The following GPBP1 variants were observed in gnomAD, a reference collection of about 807,000 sequenced individuals.
The protein encoded by GPBP1 is vasculin.
A neutral mutation model predicts 56.5 loss-of-function variants in GPBP1; 13 were observed. The ratio of observed to expected loss-of-function variants is 0.23; its 90% confidence interval spans 0.15 to 0.37. The LOEUF (loss-of-function observed/expected upper bound fraction) is 0.37. GPBP1 is among the 10% of genes least tolerant of loss of function. GPBP1 has a pLI of 1.00. For synonymous variants in GPBP1, 204 were observed against 188.9 expected, an observed-to-expected ratio of 1.08 and a Z score of -0.66; for missense variants, 477 against 572.3, an observed-to-expected ratio of 0.83 and a Z score of 1.70.
intron 3 of GPBP1, among the ~76,000 whole-genome samples, chr5:57,219,402 AACCAAAAACAAAC>A (rs1561348299): frequency 4.1e-5 from 2 of 49,366 alleles, no homozygotes; most frequent in African/African-American, 1.7e-4. Context: ...AAAAAAAAAA[AACCAAAAACAAAC>A]AAACAAAAAA....
At chr5:57,206,811 G>A (rs1054793597) in intron 2 of GPBP1, among the ~76,000 whole-genome samples, 1 of 152,104 alleles carries the variant, frequency 6.6e-6, no homozygotes, top group African/African-American at 2.4e-5. Context: ...AAATGTGTGG[G>A]CTTATTTCTG....
intron 3 of GPBP1, among the ~76,000 whole-genome samples, chr5:57,222,525 TC>T (rs1755996484): frequency 6.6e-6 from 1 of 152,216 alleles, no homozygotes; most frequent in African/African-American, 2.4e-5. Flanking sequence ...AACTGTTTTT[TC>T]CCTTTTTTTC....
chr5:57,235,997 C>G lies in GPBP1; in HGVS notation c.443C>G (p.Pro148Arg). 1.2e-6 allele frequency: 2 copies of G among 1,611,754 alleles called. No homozygotes were observed. Among genetic ancestry groups the G allele is most frequent in the Non-Finnish European group, 1.7e-6 (2 of 1,178,106 alleles). Reference sequence around the variant, plus strand: ...TTAAATCCTGAGTATGAGAGAGAACCAAATCACAATAAGTCTTTAGCTGCA... The same window carrying G: ...TTAAATCCTGAGTATGAGAGAGAACGAAATCACAATAAGTCTTTAGCTGCA... ...PSLNPEYERE[P>R]NHNKSLAAGV... Residue 148 changes from proline (P) to arginine (R), a missense_variant, in exon 6 of 12, where the codon CCA becomes CGA. Pro to Arg is a moderately radical substitution (Grantham distance 103, BLOSUM62 -2). Transcript: ENST00000506184.
intron 2 of GPBP1, among the ~76,000 whole-genome samples, chr5:57,212,058 C>T (rs1006334193): frequency 1.3e-5 from 2 of 151,804 alleles, no homozygotes; most frequent in African/African-American, 4.8e-5. Context: ...TGCGTCAGCC[C>T]CCTGAGAAGC....
intron 6 of GPBP1, among the ~76,000 whole-genome samples, chr5:57,236,583 T>C (rs1332511672): frequency 6.6e-6 from 1 of 152,168 alleles, no homozygotes; most frequent in Non-Finnish European, 1.5e-5. Flanking sequence ...TGAGAGTTCT[T>C]CTAGAAATAA....
At chr5:57,211,780 T>A (rs1375154254) in intron 2 of GPBP1, among the ~76,000 whole-genome samples, 3 of 151,754 alleles carry the variant, frequency 2.0e-5, no homozygotes, top group African/African-American at 7.3e-5. Context: ...ACGAGGTTTC[T>A]CCTTGTTGGT....
intron 2 of GPBP1, among the ~76,000 whole-genome samples, chr5:57,183,939 C>T (rs1177246514): frequency 2.0e-5 from 3 of 151,820 alleles, no homozygotes; most frequent in South Asian, 2.1e-4. Flanking sequence ...CCATGTCCAG[C>T]GAATTTTTTA....
At chr5:57,186,184 G>A (rs908763212) in intron 2 of GPBP1, among the ~76,000 whole-genome samples, 2 of 150,498 alleles carry the variant, frequency 1.3e-5, no homozygotes, top group African/African-American at 4.9e-5. Flanking sequence ...ATCCTTTTAC[G>A]CTGGAAGTTC....
rs1185447256 is a variant in GPBP1, at chr5:57,230,913, G to A, written c.131G>A (p.Arg44His). Residue 44 changes from arginine (R) to histidine (H), a missense_variant, in exon 4 of 12, where the codon CGT (arginine) becomes CAT (histidine). By Grantham distance (29) the Arg-to-His change is conservative (BLOSUM62 0). This residue lies in a region of GPBP1 where 414 missense variants were observed against 458.2 expected (regional missense o/e 0.90). Transcript: ENST00000506184. Reference sequence around the variant, plus strand: ...ACAGAGAATCGTTATGATGTGAACCGTCGACGACACAACTCTTCAGATGGC... The same window carrying A: ...ACAGAGAATCGTTATGATGTGAACCATCGACGACACAACTCTTCAGATGGC... ...AWTENRYDVN[R>H]RRHNSSDGFD... 12 of 1,612,426 alleles carry A rather than the reference G, an allele frequency of 7.4e-6. No homozygotes were observed. In the Admixed American group the frequency reaches 1.3e-4, roughly 18 times the overall value.
At chr5:57,183,075 A>G in intron 2 of GPBP1, among the ~76,000 whole-genome samples, 1 of 151,636 alleles carries the variant, frequency 6.6e-6, no homozygotes, top group East Asian at 1.9e-4. Flanking sequence ...AGTTTTTAAA[A>G]CTCTTAGTTG....
chr5:57,254,170 C>T (rs1489502313), intron 10 of GPBP1, among the ~76,000 whole-genome samples: 1 of 152,210 alleles, frequency 6.6e-6, no homozygotes, highest in African/African-American at 2.4e-5. Flanking sequence ...AAGCGATCCT[C>T]CTGCCTTGGC....
chr5:57,211,970 T>C (rs929926436), intron 2 of GPBP1, among the ~76,000 whole-genome samples: 3 of 151,418 alleles, frequency 2.0e-5, no homozygotes, highest in Admixed American at 1.3e-4. Flanking sequence ...AGAGTCTTCC[T>C]CTGTCATCCA....
chr5:57,247,732 TAAAC>T (rs560952006), intron 8 of GPBP1, among the ~76,000 whole-genome samples: 20 of 151,476 alleles, frequency 1.3e-4, no homozygotes, highest in Non-Finnish European at 2.2e-4. Flanking sequence ...AACATCCTAA[TAAAC>T]AAAGAATAAT....
At position 57,263,805 on chromosome 5, in the gene GPBP1, A is replaced by G. The variant is rs1235173754; in HGVS notation, c.*1053A>G. On this transcript the variant is annotated 3_prime_UTR_variant, in exon 12 of 12. Coordinates refer to ENST00000506184, the MANE Select transcript of GPBP1 (RefSeq NM_022913.4). ...TTAACTACTTTATTTTCATTTGCAC[A>G]TTAATTTTGGAATTGTTTCTGTTTT... 1.3e-5 allele frequency: 2 copies of G among 152,132 alleles called. No homozygotes were observed. Among genetic ancestry groups the G allele is most frequent in the East Asian group, 1.9e-4 (1 of 5,200 alleles). The allele number at this position is 152,132 out of a possible 1,614,324, so 9.4% of individuals were successfully genotyped here.
At chr5:57,235,381 C>G (rs1205687861) in intron 5 of GPBP1, among the ~76,000 whole-genome samples, 2 of 150,906 alleles carry the variant, frequency 1.3e-5, no homozygotes, top group African/African-American at 2.4e-5. Flanking sequence ...TAGACTGATG[C>G]AAAGACCTCC....
intron 11 of GPBP1, 79 bp from the exon 12 acceptor site, chr5:57,262,515 T>TTA (rs1217185051): frequency 9.0e-7 from 1 of 1,109,552 alleles, no homozygotes; most frequent in African/African-American, 1.6e-5. Flanking sequence ...TACAATTTTA[T>TTA]TATATTCATG....
At chr5:57,212,669 TTTC>T (rs1301547701) in intron 2 of GPBP1, among the ~76,000 whole-genome samples, 2 of 150,876 alleles carry the variant, frequency 1.3e-5, no homozygotes, top group East Asian at 3.8e-4. Flanking sequence ...TTTTTCTTTT[TTTC>T]TTTTTTTTTT....
chr5:57,205,156 T>C (rs1318497635), intron 2 of GPBP1, among the ~76,000 whole-genome samples: 1 of 152,236 alleles, frequency 6.6e-6, no homozygotes, highest in African/African-American at 2.4e-5. Flanking sequence ...TTTTTTTCTC[T>C]ATGAATTTAC....
intron 10 of GPBP1, among the ~76,000 whole-genome samples, chr5:57,256,037 A>T (rs1741641635): frequency 4.6e-5 from 7 of 152,160 alleles, no homozygotes. Context: ...CAGGTGGGTC[A>T]CTTAGGCCAG....
Sources: allele counts gnomAD v4.1 joint callset (sites outside exome capture counted in the v4.1 genomes callset), GRCh38; gene constraint gnomAD v4.1.1; regional missense constraint gnomAD v4.1.1; transcripts MANE v1.5; gene names NCBI Gene and HGNC (gene_info 2026-07-23, HGNC 2026-07-21).